DDX23: variants seen among roughly 807,000 people sequenced by gnomAD.
DDX23 encodes the protein DEAD-box helicase 23, also known as probable ATP-dependent RNA helicase DDX23.
A neutral mutation model predicts 102.7 loss-of-function variants in DDX23; 33 were observed. That is an observed-to-expected ratio of 0.32 (90% CI 0.24 to 0.43). The LOEUF (loss-of-function observed/expected upper bound fraction) is 0.43, where lower values mean the gene tolerates loss of function less well. Ranked by LOEUF, DDX23 falls within the 20% of genes least tolerant of loss-of-function variation. The pLI is 1.00. For missense variants in DDX23, 549 were observed against 1,086.6 expected (o/e 0.51, Z 6.96); for synonymous variants, 352 against 376.0 (o/e 0.94, Z 0.74).
chr12:48,838,161 C>A (rs1938493330), intron 5 of DDX23, 81 bp from the exon 6 acceptor site: 1 of 1,587,752 alleles, frequency 6.3e-7, no homozygotes, highest in Non-Finnish European at 8.6e-7. Flanking sequence ...TGGCAGGGAA[C>A]CCAAAAGTAT....
chr12:48,838,623 G>A (rs933799526), intron 5 of DDX23, among the ~76,000 whole-genome samples: 2 of 151,472 alleles, frequency 1.3e-5, no homozygotes, highest in African/African-American at 4.9e-5. Context: ...AGGCCGAGAT[G>A]GGCGGATCAC....
chr12:48,837,928 G>A lies in DDX23; in HGVS notation c.619+14C>T. ...CTCTTCCATCTAGGGGCTACACAGG[G>A]TAGAATAACAAACCCAACATCTTCC... On this transcript the variant is annotated intron_variant, in intron 6 of 16. Transcript: ENST00000308025. 1 of 1,612,268 alleles carries A rather than the reference G, an allele frequency of 6.2e-7. No homozygotes were observed. Among genetic ancestry groups the A allele is most frequent in the Non-Finnish European group, 8.5e-7 (1 of 1,179,982 alleles).
At chr12:48,840,932 C>A (rs1233881586) in intron 3 of DDX23, among the ~76,000 whole-genome samples, 1 of 152,100 alleles carries the variant, frequency 6.6e-6, no homozygotes, top group African/African-American at 2.4e-5. Flanking sequence ...TATCTATATT[C>A]CCTCATCATT....
chr12:48,841,019 C>T (rs534124961), intron 3 of DDX23, among the ~76,000 whole-genome samples: 2 of 152,276 alleles, frequency 1.3e-5, no homozygotes, highest in South Asian at 4.1e-4. Context: ...TCAAACAACC[C>T]CACTGAGTTT....
chr12:48,830,466 G>C lies in DDX23; in HGVS notation c.*3C>G. ...GCCCTCAGCCCACAGGAAGAGTGCTGTGTCAGGCAAAGATGGTCTCTTCCC... is the reference window on the plus strand; with the variant it reads ...GCCCTCAGCCCACAGGAAGAGTGCTCTGTCAGGCAAAGATGGTCTCTTCCC... On this transcript the variant is annotated 3_prime_UTR_variant, in exon 17 of 17. Transcript: ENST00000308025. The surrounding 1 kb of genome is among the most constrained non-coding windows in gnomAD (Gnocchi z 4.9). 2 of 1,613,994 alleles carry C rather than the reference G, an allele frequency of 1.2e-6. No homozygotes were observed. The highest frequency in any genetic ancestry group is 1.7e-6 in the Non-Finnish European group (2 of 1,179,934).
intron 3 of DDX23, among the ~76,000 whole-genome samples, chr12:48,841,828 C>G (rs1294627119): frequency 1.3e-5 from 2 of 152,366 alleles, no homozygotes; most frequent in African/African-American, 4.8e-5. Context: ...CACCTCCCAG[C>G]TGCCTGCCTT....
At chr12:48,843,665 C>T (rs957414224) in intron 3 of DDX23, among the ~76,000 whole-genome samples, 5 of 151,180 alleles carry the variant, frequency 3.3e-5, no homozygotes, top group Admixed American at 3.3e-4. Context: ...TCTCCTACCT[C>T]AGCCTCCTGA....
intron 15 of DDX23, 81 bp from the exon 16 acceptor site, chr12:48,831,397 G>A (rs1403565356): frequency 3.6e-6 from 5 of 1,387,756 alleles, no homozygotes. Flanking sequence ...GGACACAGAT[G>A]AAGGGAGGGT....
intron 1 of DDX23, among the ~76,000 whole-genome samples, chr12:48,850,211 G>A (rs1399916479): frequency 6.6e-6 from 1 of 152,198 alleles, no homozygotes; most frequent in Non-Finnish European, 1.5e-5. Flanking sequence ...GAGATGGAAA[G>A]AAGTAGGCAG....
Position 48,837,955 on chromosome 12 carries a change from G to A in DDX23, c.606C>T (p.Gly202=). 2 of 1,612,880 alleles carry A rather than the reference G, an allele frequency of 1.2e-6. No homozygotes were observed. The highest frequency in any genetic ancestry group is 2.2e-5 in the East Asian group (1 of 44,874). The part of the protein sequence containing the change: ...RKKRKQFQDL[G]RKMLEDPQER... ...AGAATAACAAACCCAACATCTTCCT[G>A]CCCAAGTCTTGGAACTGTTTCCTTT... The change falls in exon 6 of 17, where the codon GGC becomes GGT. Residue 202 remains glycine (G), a synonymous_variant. Transcript: ENST00000308025.
intron 5 of DDX23, 31 bp from the exon 6 acceptor site, chr12:48,838,111 G>A (rs1416177736): frequency 1.2e-6 from 2 of 1,613,228 alleles, no homozygotes; most frequent in African/African-American, 2.7e-5. Context: ...GTCAACAAAG[G>A]ATCTGGGAGC....
intron 3 of DDX23, among the ~76,000 whole-genome samples, chr12:48,841,672 G>A (rs1355204144): frequency 1.4e-4 from 21 of 152,334 alleles, no homozygotes; most frequent in South Asian, 8.3e-4. Context: ...TGTGTTGGCC[G>A]GGCTGGTCTC....
intron 3 of DDX23, among the ~76,000 whole-genome samples, chr12:48,840,851 C>A (rs1252758953): frequency 2.0e-5 from 3 of 151,814 alleles, no homozygotes; most frequent in Non-Finnish European, 4.4e-5. Context: ...CAGCGCCTGG[C>A]CCTCCTTAAC....
At chr12:48,848,813 A>G (rs1938711987) in intron 1 of DDX23, among the ~76,000 whole-genome samples, 1 of 147,968 alleles carries the variant, frequency 6.8e-6, no homozygotes, top group East Asian at 2.0e-4. Context: ...GTGCAATGGC[A>G]TGATCTTGGC....
At position 48,832,963 on chromosome 12, in the gene DDX23, G is replaced by A. The variant is rs1005443249; in HGVS notation, c.1803+314C>T. ...ACCTAAGGCAAGAAAGGCCCAAAAG[G>A]AGGTTGGCAACCTTGTACAACTTTT... On this transcript the variant is annotated intron_variant, in intron 13 of 16. Transcript: ENST00000308025. This position sits in a 1 kb window ranked among gnomAD's most constrained non-coding sequence, Gnocchi z 4.4. 2.2e-6 allele frequency: 1 copy of A among 455,782 alleles called. No individual in the cohort carries two copies. The highest frequency in any genetic ancestry group is 3.9e-5 in the Admixed American group (1 of 25,830). 28.2% of individuals were successfully genotyped at this position (455,782 alleles called of 1,614,324 possible). A position where few individuals can be genotyped will look rare whatever the true frequency, so the allele number is the denominator to read the frequency against.
Position 48,832,825 on chromosome 12 carries a change from G to C in DDX23, c.1804-252C>G, listed in dbSNP as rs947590562. The C allele has an allele frequency of 1.9e-6, 1 of 535,008 alleles. No individual in the cohort carries two copies. Among genetic ancestry groups the C allele is most frequent in the East Asian group, 3.2e-5 (1 of 30,834 alleles). The allele number at this position is 535,008 out of a possible 1,614,324, so 33.1% of individuals were successfully genotyped here. A position where few individuals can be genotyped will look rare whatever the true frequency, so the allele number is the denominator to read the frequency against. On this transcript the variant is annotated intron_variant, in intron 13 of 16. Transcript: ENST00000308025. The surrounding 1 kb of genome is among the most constrained non-coding windows in gnomAD (Gnocchi z 4.4). Reference sequence around the variant, plus strand: ...GCTAGCACCTGTGGTCCCGGTAGCAGCATGAGTCTTTGGAATCGTTTTTCC... The same window carrying C: ...GCTAGCACCTGTGGTCCCGGTAGCACCATGAGTCTTTGGAATCGTTTTTCC...
At position 48,836,785 on chromosome 12, in the gene DDX23, G is replaced by A; in HGVS notation, c.1020C>T (p.Leu340=). The part of the protein sequence containing the change: ...LEEKEQEEAR[L]RKLRKKEAKQ... ...TGGCTTCCTTCTTACGAAGTTTGCG[G>A]AGTCTTGCCCTGGAGCAGGGTGTGA... Residue 340 remains leucine, a synonymous_variant, in exon 10 of 17, where the codon CTC becomes CTT. Coordinates refer to ENST00000308025, the MANE Select transcript of DDX23 (RefSeq NM_004818.3). This position sits in a 1 kb window ranked among gnomAD's most constrained non-coding sequence, Gnocchi z 6.1. 5 of 1,614,038 alleles carry A rather than the reference G, an allele frequency of 3.1e-6. No homozygotes were observed. Among genetic ancestry groups the A allele is most frequent in the Non-Finnish European group, 4.2e-6 (5 of 1,179,940 alleles).
intron 5 of DDX23, among the ~76,000 whole-genome samples, chr12:48,839,292 C>T (rs977888385): frequency 1.3e-5 from 2 of 152,122 alleles, no homozygotes; most frequent in African/African-American, 4.8e-5. Context: ...GGCACAGTGG[C>T]TCACGCCTGT....
chr12:48,832,349 C>A lies in DDX23; in HGVS notation c.1955+73G>T. 6.3e-7 allele frequency: 1 copy of A among 1,584,090 alleles called. No individual in the cohort carries two copies. The highest frequency in any genetic ancestry group is 8.6e-7 in the Non-Finnish European group (1 of 1,160,260). On this transcript the variant is annotated intron_variant, in intron 14 of 16. Transcript: ENST00000308025. This position sits in a 1 kb window ranked among gnomAD's most constrained non-coding sequence, Gnocchi z 4.4. ...ACAGCAGAGCAATTGCCCTGCCCTG[C>A]ACCTGCACTAAAAAAGTTCTCAGAG... is the stretch of plus-strand genomic sequence containing the variant.
Sources: allele counts gnomAD v4.1 joint callset (sites outside exome capture counted in the v4.1 genomes callset), GRCh38; gene constraint gnomAD v4.1.1; non-coding constraint Gnocchi (gnomAD v3.1); transcripts MANE v1.5; gene names NCBI Gene and HGNC (gene_info 2026-07-23, HGNC 2026-07-21).